The following PUDP variants were observed in gnomAD, a reference collection of about 807,000 sequenced individuals.
PUDP encodes the protein pseudouridine 5'-phosphatase, also known as pseudouridine-5'-phosphatase.
Under a neutral mutation model 9.4 loss-of-function variants are expected in PUDP, and 8 were observed. The observed-to-expected ratio is 0.85, with a 90% CI of 0.50 to 1.53. The LOEUF (loss-of-function observed/expected upper bound fraction) is 1.53. Ranked by LOEUF, PUDP falls within the 40% of genes most tolerant of loss-of-function variation. PUDP has a pLI of 0.00. For synonymous variants in PUDP, 99 were observed against 80.7 expected (o/e 1.23, Z -1.22); for missense variants, 188 against 189.7 (o/e 0.99, Z 0.05).
chrX:6,808,588 A>G (rs1383580126), intron 3 of PUDP, among the ~76,000 whole-genome samples: 1 of 111,496 alleles, frequency 9.0e-6, no homozygotes, highest in African/African-American at 3.3e-5. Flanking sequence ...CTTCTCCTTG[A>G]ATTACCATGG....
chrX:6,804,429 A>G (rs1354291233), intron 3 of PUDP, among the ~76,000 whole-genome samples: 2 of 111,658 alleles, frequency 1.8e-5, no homozygotes, highest in Non-Finnish European at 3.8e-5. Flanking sequence ...CTTACCTATG[A>G]CGTATCAATC....
rs72211121 is a variant in PUDP, at chrX:6,899,673, AGAT to A, written c.*247+77457_*247+77459del. Among the ~76,000 whole-genome samples, 422 of 105,324 alleles carry A rather than the reference AGAT, an allele frequency of 4.0e-3. 2 individuals carry two copies. Among genetic ancestry groups the A allele is most frequent in the African/African-American group, 9.9e-3 (287 of 29,041 alleles). 91.5% of individuals were successfully genotyped at this position (105,324 alleles called of 115,157 possible). A position where few individuals can be genotyped will look rare whatever the true frequency, so the allele number is the denominator to read the frequency against. ...AGCTCGTAAAACAAATCTGTGATAG[AGAT>A]GATGATGATGATGATGATGATGATG... On this transcript the variant is annotated intron_variant and NMD_transcript_variant, in intron 3 of 3. Transcript: ENST00000655425.
At chrX:6,907,091 G>A (rs906508949) in intron 3 of PUDP, among the ~76,000 whole-genome samples, 4 of 110,842 alleles carry the variant, frequency 3.6e-5, no homozygotes, top group African/African-American at 9.9e-5. Context: ...AATCCCACAT[G>A]TAATGGGAGG....
At chrX:6,750,393 G>C (rs766095183) in intron 3 of PUDP, among the ~76,000 whole-genome samples, 2 of 111,331 alleles carry the variant, frequency 1.8e-5, no homozygotes, top group Non-Finnish European at 3.8e-5. Context: ...TGAATTGTGT[G>C]TGTGTGTGTG....
chrX:7,076,372 G>A lies in PUDP; in HGVS notation c.510+848C>T, dbSNP rs377233140. On this transcript the variant is annotated intron_variant, in intron 3 of 3. Transcript: ENST00000381077. ...CAGGCATTTGCAGAGACTCCCCGACGGATGCCCTCCCCAGCTGCTTACACT... is the reference window on the plus strand; with the variant it reads ...CAGGCATTTGCAGAGACTCCCCGACAGATGCCCTCCCCAGCTGCTTACACT... Among the ~76,000 whole-genome samples, 4 of 111,709 alleles carry A rather than the reference G, an allele frequency of 3.6e-5. No individual in the cohort carries two copies. In the East Asian group the frequency reaches 8.5e-4, roughly 24 times the overall value.
chrX:6,822,688 GTGT>G (rs1926363149), intron 3 of PUDP, among the ~76,000 whole-genome samples: 1 of 83,471 alleles, frequency 1.2e-5, no homozygotes, highest in Non-Finnish European at 2.2e-5. Context: ...GCCTCCCAAA[GTGT>G]TTTTTTTTTT....
At chrX:6,876,639 A>ATGTGTGTGTGTG (rs111935866) in intron 3 of PUDP, among the ~76,000 whole-genome samples, 28 of 92,814 alleles carry the variant, frequency 3.0e-4, no homozygotes, top group Non-Finnish European at 5.0e-4. Flanking sequence ...CTAAAATGTT[A>ATGTGTGTGTGTG]TGTGTGTGTG....
At chrX:7,099,621 G>A (rs1931669865) in intron 2 of PUDP, among the ~76,000 whole-genome samples, 1 of 111,652 alleles carries the variant, frequency 9.0e-6, no homozygotes, top group Non-Finnish European at 1.9e-5. Context: ...ATGTGCGAGT[G>A]CATCAGGGCC....
At chrX:7,057,607 G>A in intron 3 of PUDP, 2 of 1,100,857 alleles carry the variant, frequency 1.8e-6, no homozygotes, top group Non-Finnish European at 2.4e-6. Context: ...GCAGGAAGGA[G>A]AGGTAGCTTT....
At chrX:6,832,131 G>GA (rs1454976392) in intron 3 of PUDP, among the ~76,000 whole-genome samples, 1 of 111,109 alleles carries the variant, frequency 9.0e-6, no homozygotes, top group Non-Finnish European at 1.9e-5. Context: ...ATAGAAACTG[G>GA]AAAAAAAGAA....
At chrX:6,817,227 C>T (rs1258916227) in intron 3 of PUDP, among the ~76,000 whole-genome samples, 4 of 108,812 alleles carry the variant, frequency 3.7e-5, no homozygotes, top group Non-Finnish European at 7.6e-5. Flanking sequence ...CAGGTTCATG[C>T]CACCATGCCC....
intron 3 of PUDP, among the ~76,000 whole-genome samples, chrX:6,976,101 A>C (rs1051979492): frequency 1.8e-5 from 2 of 112,410 alleles, no homozygotes; most frequent in African/African-American, 6.5e-5. Flanking sequence ...GCCAGCAGTG[A>C]GAATTTCAAG....
chrX:6,949,074 G>T (rs1264197132), intron 3 of PUDP, among the ~76,000 whole-genome samples: 1 of 112,037 alleles, frequency 8.9e-6, no homozygotes, highest in Non-Finnish European at 1.9e-5. Context: ...TATCAGAACA[G>T]AAACATAAAT....
chrX:7,106,275 G>A (rs1432711558), intron 1 of PUDP, among the ~76,000 whole-genome samples: 4 of 112,525 alleles, frequency 3.6e-5, no homozygotes, highest in African/African-American at 1.3e-4. Flanking sequence ...ACTGCCCAGT[G>A]GGATGAATCC....
chrX:6,830,631 A>G (rs1332397646), intron 3 of PUDP, among the ~76,000 whole-genome samples: 2 of 112,001 alleles, frequency 1.8e-5, no homozygotes, highest in Non-Finnish European at 3.8e-5. Flanking sequence ...AAGAGGAGAA[A>G]CACAAAGAAA....
At chrX:6,999,269 T>A (rs1047759275) in intron 1 of PUDP, among the ~76,000 whole-genome samples, 1 of 111,683 alleles carries the variant, frequency 9.0e-6, no homozygotes, top group African/African-American at 3.3e-5. Flanking sequence ...CATCACTATG[T>A]CTTTAACGCC....
At chrX:7,045,753 C>T (rs1307889872), downstream of PUDP, among the ~76,000 whole-genome samples, 1 of 111,773 alleles carries the variant, frequency 8.9e-6, no homozygotes, top group African/African-American at 3.3e-5. Context: ...CAAAGTAAGC[C>T]ACACCTCAAC....
chrX:7,042,340 G>C (rs970925013), intron 1 of PUDP, among the ~76,000 whole-genome samples: 13 of 111,450 alleles, frequency 1.2e-4, no homozygotes, highest in African/African-American at 4.2e-4. Flanking sequence ...TGTTAAGTTA[G>C]AAAATGGACT....
At chrX:6,899,910 T>C (rs1388002117) in intron 3 of PUDP, among the ~76,000 whole-genome samples, 2 of 111,519 alleles carry the variant, frequency 1.8e-5, no homozygotes, top group East Asian at 5.6e-4. Context: ...ATTAAGATAT[T>C]AAAATCTTAA....
Sources: gnomAD v4.1 joint callset for allele counts (sites outside exome capture counted in the v4.1 genomes callset) on GRCh38, gnomAD v4.1.1 for gene constraint, MANE v1.5 for transcripts, NCBI Gene and HGNC (gene_info 2026-07-23, HGNC 2026-07-21) for gene names.